Variants in LHFPL4 observed in about 807,000 individuals in gnomAD.
The protein encoded by LHFPL4 is LHFPL tetraspan subfamily member 4.
Under a neutral mutation model 20.0 loss-of-function variants are expected in LHFPL4, and 6 were observed. The observed-to-expected ratio is 0.30, with a 90% confidence interval of 0.16 to 0.59. The LOEUF (loss-of-function observed/expected upper bound fraction) is 0.59, where lower values mean the gene tolerates loss of function less well. LHFPL4 is among the 20% of genes least tolerant of loss of function. The pLI is 0.88. For missense variants in LHFPL4, 215 were observed against 331.2 expected (o/e 0.65, Z 2.72); for synonymous variants, 129 against 143.8 (o/e 0.90, Z 0.74).
chr3:9,542,649 T>A (rs1030563281), intron 2 of LHFPL4, among the ~76,000 whole-genome samples: 25 of 150,092 alleles, frequency 1.7e-4, no homozygotes, highest in Admixed American at 1.5e-3. Flanking sequence ...TCTACCAAAG[T>A]TTTAAAAAAA....
chr3:9,543,972 C>G (rs952725853), intron 2 of LHFPL4, among the ~76,000 whole-genome samples: 13 of 152,090 alleles, frequency 8.5e-5, no homozygotes, highest in South Asian at 2.1e-4. Flanking sequence ...ATCAGCCCAC[C>G]TCAGCCTCCC....
intron 3 of LHFPL4, among the ~76,000 whole-genome samples, chr3:9,504,374 T>C (rs2046201014): frequency 8.0e-6 from 1 of 125,640 alleles, no homozygotes; most frequent in South Asian, 2.6e-4. Context: ...CAAGACACTG[T>C]CTCAAGGAAA....
At chr3:9,502,554 T>A (rs559577055) in intron 3 of LHFPL4, among the ~76,000 whole-genome samples, 1 of 152,050 alleles carries the variant, frequency 6.6e-6, no homozygotes, top group African/African-American at 2.4e-5. Context: ...ATACAAAAAA[T>A]TAGCCGGGCA....
intron 2 of LHFPL4, among the ~76,000 whole-genome samples, chr3:9,533,345 T>G (rs1483285952): frequency 6.6e-6 from 1 of 152,240 alleles, no homozygotes; most frequent in Non-Finnish European, 1.5e-5. Context: ...AAATAAATTG[T>G]GCAGTTTACT....
At chr3:9,545,840 C>T (rs2046508359) in intron 2 of LHFPL4, among the ~76,000 whole-genome samples, 1 of 150,680 alleles carries the variant, frequency 6.6e-6, no homozygotes, top group Non-Finnish European at 1.5e-5. Flanking sequence ...GCCCGGGAGC[C>T]CAGGGTTACA....
chr3:9,549,406 C>T (rs2046538069), intron 2 of LHFPL4, among the ~76,000 whole-genome samples: 1 of 152,178 alleles, frequency 6.6e-6, no homozygotes, highest in Non-Finnish European at 1.5e-5. Context: ...TAAAAGTTAA[C>T]AGGAACAGGC....
chr3:9,529,682 T>C (rs2046397216), intron 2 of LHFPL4, among the ~76,000 whole-genome samples: 1 of 152,152 alleles, frequency 6.6e-6, no homozygotes, highest in South Asian at 2.1e-4. Context: ...TCACCCAGGC[T>C]GGAGTGCAGT....
intron 2 of LHFPL4, among the ~76,000 whole-genome samples, chr3:9,547,930 T>G (rs1471519560): frequency 6.6e-6 from 1 of 152,190 alleles, no homozygotes; most frequent in Non-Finnish European, 1.5e-5. Context: ...CTCACCCTCC[T>G]GAGTAGCTGG....
chr3:9,526,799 A>G (rs2046378548), intron 2 of LHFPL4, among the ~76,000 whole-genome samples: 1 of 152,206 alleles, frequency 6.6e-6, no homozygotes, highest in Non-Finnish European at 1.5e-5. Context: ...TCAAGAACAC[A>G]AAGGAAGGCT....
intron 2 of LHFPL4, among the ~76,000 whole-genome samples, chr3:9,522,177 G>T (rs2046341996): frequency 6.6e-6 from 1 of 151,240 alleles, no homozygotes. Flanking sequence ...TTATTTTTTA[G>T]TAGAGAAAGG....
intron 2 of LHFPL4, among the ~76,000 whole-genome samples, chr3:9,534,279 C>T (rs994786303): frequency 6.6e-6 from 1 of 151,350 alleles, no homozygotes; most frequent in Admixed American, 6.6e-5. Flanking sequence ...TTGGAAATAA[C>T]TTAAATGCCC....
chr3:9,511,985 T>C (rs1454657110), intron 2 of LHFPL4, among the ~76,000 whole-genome samples: 2 of 150,988 alleles, frequency 1.3e-5, no homozygotes, highest in African/African-American at 4.9e-5. Context: ...CAGGCTGGAG[T>C]GCAGTGGCGC....
chr3:9,521,488 A>G (rs9819486), intron 2 of LHFPL4, among the ~76,000 whole-genome samples: 79,575 of 150,780 alleles, frequency 0.53, 21,449 homozygotes, highest in African/African-American at 0.64. Flanking sequence ...TGCAAGCTCC[A>G]CCTCCAGCTT....
chr3:9,517,808 G>GTTTTTTTTTTTT (rs1294844205), intron 2 of LHFPL4, among the ~76,000 whole-genome samples: 1 of 116,710 alleles, frequency 8.6e-6, no homozygotes, highest in Non-Finnish European at 1.8e-5. Flanking sequence ...TTTGTTTTTT[G>GTTTTTTTTTTTT]TTTTTTTTTT....
At position 9,552,644 on chromosome 3, in the gene LHFPL4, G is replaced by A; in HGVS notation, c.36C>T (p.His12=). ...CCCGCGAGTTCCGCATGTAGTGCTC[G>A]TGGTAGAGCTTGGAGGCCTCCTGCG... The part of the protein sequence containing the change: ...LPSQEASKLY[H]EHYMRNSRAI... The change falls in exon 2 of 4, where the codon CAC becomes CAT. Residue 12 remains histidine (H), a synonymous_variant. Coordinates refer to ENST00000287585, the MANE Select transcript of LHFPL4 (RefSeq NM_198560.3). The A allele has an allele frequency of 1.6e-5, 26 of 1,613,002 alleles. No homozygotes were observed. Among genetic ancestry groups the A allele is most frequent in the Non-Finnish European group, 2.2e-5 (26 of 1,179,648 alleles).
chr3:9,553,785 G>A lies in LHFPL4; in HGVS notation c.-269C>T, dbSNP rs1315803372. Reference sequence around the variant, plus strand: ...TGCCTCGGCCCAGGCGGCGGCCTCTGCGCGGCCTCCATCTTGCTCGGGTTC... The same window carrying A: ...TGCCTCGGCCCAGGCGGCGGCCTCTACGCGGCCTCCATCTTGCTCGGGTTC... On this transcript the variant is annotated 5_prime_UTR_variant, in exon 1 of 4. It introduces an in-frame stop codon into an upstream open reading frame of the 5' UTR. Transcript: ENST00000287585. 1 of 150,650 alleles carries A rather than the reference G, an allele frequency of 6.6e-6. No homozygotes were observed. The highest frequency in any genetic ancestry group is 1.5e-5 in the Non-Finnish European group (1 of 67,490). 9.3% of individuals were successfully genotyped at this position (150,650 alleles called of 1,614,324 possible).
intron 2 of LHFPL4, among the ~76,000 whole-genome samples, chr3:9,539,541 A>G (rs554436809): frequency 6.6e-6 from 1 of 152,124 alleles, no homozygotes; most frequent in East Asian, 1.9e-4. Context: ...AGATCCGATC[A>G]TGTTCCCCTC....
At chr3:9,535,551 A>T (rs1044562385) in intron 2 of LHFPL4, among the ~76,000 whole-genome samples, 2 of 142,950 alleles carry the variant, frequency 1.4e-5, no homozygotes, top group African/African-American at 5.0e-5. Flanking sequence ...CAATTTTTCC[A>T]CAAAGAACAA....
intron 2 of LHFPL4, among the ~76,000 whole-genome samples, chr3:9,518,763 C>CTT (rs200085791): frequency 2.3e-4 from 31 of 136,316 alleles, no homozygotes; most frequent in African/African-American, 5.4e-4. Flanking sequence ...TTGTTCATTT[C>CTT]TTTTTTTTTT....
Sources: gnomAD v4.1 joint callset for allele counts (sites outside exome capture counted in the v4.1 genomes callset) on GRCh38, gnomAD v4.1.1 for gene constraint, MANE v1.5 for transcripts, NCBI Gene and HGNC (gene_info 2026-07-23, HGNC 2026-07-21) for gene names.